TMEM132D: variants seen among roughly 807,000 people sequenced by gnomAD.
The protein encoded by TMEM132D is transmembrane protein 132D.
In TMEM132D, 21 loss-of-function variants were observed where a neutral mutation model predicts 62.3. That is an observed-to-expected ratio of 0.34 (90% CI 0.24 to 0.49). The LOEUF (loss-of-function observed/expected upper bound fraction) is 0.49, where lower values mean the gene tolerates loss of function less well. Among genes scored for constraint, TMEM132D ranks in the 20% least tolerant of loss-of-function variants. TMEM132D has a pLI of 0.99. For synonymous variants in TMEM132D, 621 were observed against 575.6 expected, an observed-to-expected ratio of 1.08 and a Z score of -1.13; for missense variants, 1,346 against 1,402.8, an observed-to-expected ratio of 0.96 and a Z score of 0.65.
chr12:129,820,004 C>T lies in TMEM132D; in HGVS notation c.79+83257G>A, dbSNP rs539737473. Among the ~76,000 whole-genome samples the T allele has an allele frequency of 1.8e-4, 27 of 152,174 alleles. No homozygotes were observed. The South Asian group carries it at 5.6e-3, about 32-fold the overall frequency. The stretch of plus-strand genomic sequence containing the variant: ...CGTTTGTTCATGGCAGCTGAGGTTT[C>T]TCTCAGCCCTTCCTCCATGAAAAGC... On this transcript the variant is annotated intron_variant, in intron 1 of 8. Transcript: ENST00000422113.
intron 1 of TMEM132D, among the ~76,000 whole-genome samples, chr12:129,756,622 T>G (rs757212716): frequency 1.3e-5 from 2 of 152,224 alleles, no homozygotes; most frequent in Non-Finnish European, 2.9e-5. Context: ...GCACAACGTA[T>G]GTGAACATGC....
chr12:129,630,863 C>T (rs1879330100), intron 2 of TMEM132D, among the ~76,000 whole-genome samples: 1 of 152,068 alleles, frequency 6.6e-6, no homozygotes, highest in African/African-American at 2.4e-5. Context: ...ACCCACCCTC[C>T]ACCCTCAAGC....
At chr12:129,308,847 G>A (rs1379084081) in intron 4 of TMEM132D, among the ~76,000 whole-genome samples, 1 of 152,194 alleles carries the variant, frequency 6.6e-6, no homozygotes, top group Non-Finnish European at 1.5e-5. Flanking sequence ...GTCTTTATCT[G>A]CCTGGAAGAG....
chr12:129,456,251 G>C (rs1362711140), intron 3 of TMEM132D, among the ~76,000 whole-genome samples: 1 of 152,142 alleles, frequency 6.6e-6, no homozygotes, highest in Non-Finnish European at 1.5e-5. Context: ...TCACCAATAA[G>C]AGAGTATATG....
At chr12:129,638,964 T>C (rs766741515) in intron 2 of TMEM132D, among the ~76,000 whole-genome samples, 1 of 151,976 alleles carries the variant, frequency 6.6e-6, no homozygotes, top group Non-Finnish European at 1.5e-5. Context: ...CAAACCTGGA[T>C]TGAAGTATCC....
At chr12:129,604,780 T>C (rs1878572044) in intron 2 of TMEM132D, among the ~76,000 whole-genome samples, 1 of 152,224 alleles carries the variant, frequency 6.6e-6, no homozygotes, top group South Asian at 2.1e-4. Flanking sequence ...TTATCTAAGC[T>C]TGACTAGCTT....
intron 7 of TMEM132D, among the ~76,000 whole-genome samples, chr12:129,080,935 G>A (rs1231345789): frequency 1.3e-5 from 2 of 152,072 alleles, no homozygotes; most frequent in East Asian, 1.9e-4. Flanking sequence ...AGGGGCCCAC[G>A]AGACATATGG....
At chr12:129,683,246 C>T (rs1339833563) in intron 2 of TMEM132D, among the ~76,000 whole-genome samples, 4 of 152,126 alleles carry the variant, frequency 2.6e-5, no homozygotes, top group African/African-American at 9.7e-5. Context: ...AAAGGGTAGG[C>T]TTTCAATATC....
intron 1 of TMEM132D, among the ~76,000 whole-genome samples, chr12:129,793,706 A>C (rs1871469735): frequency 1.3e-5 from 2 of 152,194 alleles, no homozygotes; most frequent in African/African-American, 4.8e-5. Context: ...ACACAGCCAA[A>C]CTGCCTTTTA....
chr12:129,645,032 A>G (rs1346777757), intron 2 of TMEM132D, among the ~76,000 whole-genome samples: 4 of 151,698 alleles, frequency 2.6e-5, no homozygotes, highest in Admixed American at 6.6e-5. Flanking sequence ...ATATTTTGAA[A>G]CGGCTGCTGC....
rs376294461 is a variant in TMEM132D at position 129,367,958 on chromosome 12, GTA to G, written c.1116-30143_1116-30142del. ...CTGCCACCACGCCTGGCTAATATTT[GTA>G]TTTTTAGTAGAGATGGGGTTTAGTA... On this transcript the variant is annotated intron_variant, in intron 3 of 8. Coordinates refer to ENST00000422113, the MANE Select transcript of TMEM132D (RefSeq NM_133448.3). 3.1e-4 allele frequency among the ~76,000 whole-genome samples: 47 copies of G among 151,922 alleles called. 2 individuals carry two copies. In the East Asian group the frequency reaches 9.1e-3, roughly 29 times the overall value.
At chr12:129,637,091 T>G (rs899782323) in intron 2 of TMEM132D, among the ~76,000 whole-genome samples, 1 of 152,186 alleles carries the variant, frequency 6.6e-6, no homozygotes, top group Non-Finnish European at 1.5e-5. Flanking sequence ...TGTCGACAGT[T>G]TTAACTGCTT....
chr12:129,760,561 T>C (rs1202573874), intron 1 of TMEM132D, among the ~76,000 whole-genome samples: 1 of 150,166 alleles, frequency 6.7e-6, no homozygotes, highest in Non-Finnish European at 1.5e-5. Flanking sequence ...TTAGCCAGGA[T>C]AGTCTCGATC....
intron 3 of TMEM132D, among the ~76,000 whole-genome samples, chr12:129,432,223 TTGGATGGATGGA>T (rs952880778): frequency 9.1e-5 from 12 of 132,078 alleles, no homozygotes; most frequent in African/African-American, 3.5e-4. Context: ...GGATGGATGC[TTGGATGGATGGA>T]TGGATGGATG....
At chr12:129,402,156 C>T (rs192987846) in intron 3 of TMEM132D, among the ~76,000 whole-genome samples, 36 of 152,260 alleles carry the variant, frequency 2.4e-4, no homozygotes, top group Non-Finnish European at 3.4e-4. Context: ...AATCTGCTGT[C>T]GGAACTTGAT....
At position 129,601,236 on chromosome 12, in the gene TMEM132D, C is replaced by G. The variant is rs1483956704; in HGVS notation, c.969-70031G>C. 9.9e-5 allele frequency among the ~76,000 whole-genome samples: 15 copies of G among 152,192 alleles called. 1 individual carries two copies. The highest frequency in any genetic ancestry group is 9.8e-4 in the Admixed American group (15 of 15,268). ...CCTCTGCTAGTTTCCAGCTTTTCTT[C>G]TTCAGCTTCCTCATTGCCCCCAGCC... On this transcript the variant is annotated intron_variant, in intron 2 of 8. Coordinates refer to ENST00000422113, the MANE Select transcript of TMEM132D (RefSeq NM_133448.3).
chr12:129,340,305 C>CT (rs1467263360), intron 3 of TMEM132D, among the ~76,000 whole-genome samples: 2 of 151,002 alleles, frequency 1.3e-5, no homozygotes, highest in African/African-American at 4.9e-5. Flanking sequence ...GTTGGGAATT[C>CT]TTTTTCTTTT....
At chr12:129,641,051 T>G (rs144712249) in intron 2 of TMEM132D, among the ~76,000 whole-genome samples, 3 of 152,270 alleles carry the variant, frequency 2.0e-5, no homozygotes, top group Non-Finnish European at 2.9e-5. Flanking sequence ...GTTGTATAAT[T>G]ATTTCATTAT....
At chr12:129,213,846 T>G (rs542130769) in intron 4 of TMEM132D, among the ~76,000 whole-genome samples, 2 of 152,284 alleles carry the variant, frequency 1.3e-5, no homozygotes, top group East Asian at 3.9e-4. Context: ...GGATCACATT[T>G]CAACATGAGG....
Sources: gnomAD v4.1 joint callset for allele counts (sites outside exome capture counted in the v4.1 genomes callset) on GRCh38, gnomAD v4.1.1 for gene constraint, MANE v1.5 for transcripts, NCBI Gene and HGNC (gene_info 2026-07-23, HGNC 2026-07-21) for gene names.